The following OVCH2 variants were observed in gnomAD, a reference collection of about 807,000 sequenced individuals.
OVCH2 encodes the protein ovochymase-2.
OVCH2 carries 88 observed loss-of-function variants against 73.7 expected under a neutral mutation model. The observed-to-expected ratio is 1.19, with a 90% CI of 1.01 to 1.43. The LOEUF (loss-of-function observed/expected upper bound fraction) is 1.43. Among genes scored for constraint, OVCH2 ranks in the 40% most tolerant of loss-of-function variants. OVCH2 has a pLI of 0.00. For synonymous variants in OVCH2, 265 were observed against 234.5 expected, an observed-to-expected ratio of 1.13 and a Z score of -1.19; for missense variants, 706 against 674.5, an observed-to-expected ratio of 1.05 and a Z score of -0.52.
In OVCH2 at chr11:7,696,351, G is replaced by A. The variant is rs554451507; in HGVS notation, c.1141+114C>T. On this transcript the variant is annotated intron_variant, in intron 10 of 15. Transcript: ENST00000533663. ...CACTCCCAATTCTGAGTCTCAAAGC[G>A]GAAGTCAAGAAGTGTGGCATTTACA... The A allele has an allele frequency of 3.5e-5, 50 of 1,412,470 alleles. No individual in the cohort carries two copies. In the East Asian group the frequency reaches 6.3e-4, roughly 18 times the overall value. 87.5% of individuals were successfully genotyped at this position (1,412,470 alleles called of 1,614,324 possible). A position where few individuals can be genotyped will look rare whatever the true frequency, so the allele number is the denominator to read the frequency against.
At chr11:7,692,093 G>GT in intron 12 of OVCH2, 98 bp from the exon 13 acceptor site, 2 of 828,972 alleles carry the variant, frequency 2.4e-6, no homozygotes, top group Non-Finnish European at 2.0e-6. Flanking sequence ...TTGTTCTGGA[G>GT]TAAGACCTTA....
At chr11:7,706,167 A>T in intron 1 of OVCH2, 140 bp downstream of exon 1, 1 of 896,938 alleles carries the variant, frequency 1.1e-6, no homozygotes, top group South Asian at 1.8e-5. Context: ...AGTCCAAAAT[A>T]ATTGTTTAAA....
intron 3 of OVCH2, 83 bp downstream of exon 3, chr11:7,703,615 T>C (rs1856482414): frequency 9.1e-7 from 1 of 1,100,830 alleles, no homozygotes; most frequent in Non-Finnish European, 1.3e-6. Flanking sequence ...CACAGGTCCA[T>C]GTTTTAATAG....
At chr11:7,696,347 A>G in intron 10 of OVCH2, 118 bp downstream of exon 10, 1 of 1,400,228 alleles carries the variant, frequency 7.1e-7, no homozygotes. Context: ...CTGAGTCTCA[A>G]AGCGGAAGTC....
chr11:7,701,356 C>G lies in OVCH2; in HGVS notation c.679G>C (p.Gly227Arg). Reference sequence around the variant, plus strand: ...GCGTCTCTCCCTCCATCAGGAAAACCTGTGCAAAGAAAGGTCTTCCCACTG... The same window carrying G: ...GCGTCTCTCCCTCCATCAGGAAAACGTGTGCAAAGAAAGGTCTTCCCACTG... ...PISGKTFLCT[G>R]FPDGGRDACQ... The change falls in exon 6 of 16, where the codon GGT becomes CGT. Residue 227 changes from glycine (G) to arginine (R), a missense_variant. Coordinates refer to ENST00000533663, the MANE Select transcript of OVCH2 (RefSeq NM_198185.7). 1 of 1,613,310 alleles carries G rather than the reference C, an allele frequency of 6.2e-7. No individual in the cohort carries two copies. The highest frequency in any genetic ancestry group is 2.2e-5 in the East Asian group (1 of 44,822).
In OVCH2 at chr11:7,702,325, T is replaced by C. The variant is rs762601030; in HGVS notation, c.295A>G (p.Ile99Val). The change falls in exon 4 of 16, where the codon ATT (isoleucine) becomes GTT (valine). Residue 99 changes from isoleucine to valine, a missense_variant. Transcript: ENST00000533663. ...TAAHCIANRNIVSTLNVTAGE... is the reference protein window; with the variant it reads ...TAAHCIANRNVVSTLNVTAGE... ...GCAGTAACATTCAAAGTAGACACAATGTTTCTATGGAAAGCAAAGAGTAAA... is the reference window on the plus strand; with the variant it reads ...GCAGTAACATTCAAAGTAGACACAACGTTTCTATGGAAAGCAAAGAGTAAA... 6.3e-7 allele frequency: 1 copy of C among 1,588,388 alleles called. No homozygotes were observed. The highest frequency in any genetic ancestry group is 1.2e-5 in the South Asian group (1 of 86,234).
chr11:7,685,901 C>T (rs1038408401), downstream of OVCH2, among the ~76,000 whole-genome samples: 2 of 151,988 alleles, frequency 1.3e-5, no homozygotes, highest in East Asian at 3.9e-4. Context: ...AGGAAAACCC[C>T]AGGTATCTTG....
At chr11:7,685,519 C>A (rs2136146602), downstream of OVCH2, among the ~76,000 whole-genome samples, 1 of 152,234 alleles carries the variant, frequency 6.6e-6, no homozygotes, top group East Asian at 1.9e-4. Context: ...ATACATCCAC[C>A]AAACATATTT....
Position 7,704,568 on chromosome 11 carries a change from C to T in OVCH2, c.195G>A (p.Trp65Ter), listed in dbSNP as rs1158816737. Residue 65 changes from tryptophan to a stop codon, truncating the protein, a stop_gained, in exon 2 of 16, where the codon TGG becomes TGA. Transcript: ENST00000533663. LOFTEE classifies it high-confidence loss of function. ...GSQVEKGSYPWQVSLKQRQKH... is the reference protein window; with the variant it reads ...GSQVEKGSYP ...CATAGAAGTCCTTGAGACTCACCTG[C>T]CAGGGATAGGAACCCTTCTCCACTT... is the stretch of plus-strand genomic sequence containing the variant. 1.3e-6 allele frequency: 2 copies of T among 1,599,854 alleles called. No homozygotes were observed. The highest frequency in any genetic ancestry group is 2.2e-5 in the East Asian group (1 of 44,736).
chr11:7,704,104 A>G (rs1856491753), intron 2 of OVCH2, among the ~76,000 whole-genome samples: 1 of 152,192 alleles, frequency 6.6e-6, no homozygotes, highest in South Asian at 2.1e-4. Flanking sequence ...TGCTCTAACA[A>G]TATGAACAGT....
At chr11:7,700,172 G>A in intron 7 of OVCH2, 124 bp downstream of exon 7, 1 of 901,602 alleles carries the variant, frequency 1.1e-6, no homozygotes, top group Admixed American at 2.7e-5. Flanking sequence ...ATCCTTGTGT[G>A]CTACACTGAG....
the OVCH2 span, among the ~76,000 whole-genome samples, chr11:7,681,643 T>TTTTTTTTTTTTTTTTTTTTTTG: frequency 6.6e-6 from 1 of 152,144 alleles, no homozygotes. Context: ...CAACTCTTTA[T>TTTTTTTTTTTTTTTTTTTTTTG]AAACGGCATC....
At chr11:7,683,260 G>A in the OVCH2 span, among the ~76,000 whole-genome samples, 1 of 152,096 alleles carries the variant, frequency 6.6e-6, no homozygotes, top group Non-Finnish European at 1.5e-5. Flanking sequence ...CTAACTCCTG[G>A]TATCTACCGC....
At chr11:7,691,838 G>A (rs1429731004) in intron 13 of OVCH2, 64 bp downstream of exon 13, 18 of 1,267,320 alleles carry the variant, frequency 1.4e-5, no homozygotes, top group East Asian at 2.5e-5. Context: ...TCTCCTTTTC[G>A]TTCCCATCTC....
Position 7,691,400 on chromosome 11 carries a change from G to T in OVCH2, c.1508C>A (p.Ala503Asp). ...GGGGACATCATAGCCACACAGCCGA[G>T]CTTGTTGAAGGCCAGCCCAGGCATG... ...HSDVERKKEI[A>D]RLCGYDVPTP... The change falls in exon 14 of 16, where the codon GCT becomes GAT. Residue 503 changes from alanine (A) to aspartate (D), a missense_variant and splice_region_variant. Ala to Asp is a moderately radical substitution (Grantham distance 126). Transcript: ENST00000533663. 1 of 1,611,042 alleles carries T rather than the reference G, an allele frequency of 6.2e-7. No homozygotes were observed.
downstream of OVCH2, among the ~76,000 whole-genome samples, chr11:7,687,308 A>AAATAATAATAATAAT (rs71059120): frequency 7.5e-6 from 1 of 132,512 alleles, no homozygotes; most frequent in Non-Finnish European, 1.7e-5. Flanking sequence ...ATGGCTGTGG[A>AAATAATAATAATAAT]AATAATAATA....
downstream of OVCH2, among the ~76,000 whole-genome samples, chr11:7,685,178 G>T (rs1333134951): frequency 6.6e-6 from 1 of 152,116 alleles, no homozygotes; most frequent in Non-Finnish European, 1.5e-5. Flanking sequence ...AAGTCGAGTG[G>T]CAGGGTCCCC....
At chr11:7,679,210 T>A in the OVCH2 span, among the ~76,000 whole-genome samples, 2 of 152,186 alleles carry the variant, frequency 1.3e-5, no homozygotes, top group Admixed American at 1.3e-4. Context: ...ATATATTTGG[T>A]CTTCCTCCCA....
the OVCH2 span, among the ~76,000 whole-genome samples, chr11:7,680,115 A>G: frequency 6.6e-6 from 1 of 152,326 alleles, no homozygotes; most frequent in South Asian, 2.1e-4. Context: ...TAATCTGAGG[A>G]GGGAGTCATG....
Sources: gnomAD v4.1 joint callset for allele counts (sites outside exome capture counted in the v4.1 genomes callset) on GRCh38, gnomAD v4.1.1 for gene constraint, MANE v1.5 for transcripts, NCBI Gene and HGNC (gene_info 2026-07-23, HGNC 2026-07-21) for gene names.